The following FSIP1 variants were observed in gnomAD, a reference collection of about 807,000 sequenced individuals.
FSIP1 encodes the protein fibrous sheath-interacting protein 1.
FSIP1 carries 65 observed loss-of-function variants against 60.9 expected under a neutral mutation model. That is an observed-to-expected ratio of 1.07 (90% CI 0.87 to 1.31). The LOEUF (loss-of-function observed/expected upper bound fraction) is 1.31. FSIP1 is among the 40% of genes most tolerant of loss of function. The pLI is 0.00. For synonymous variants in FSIP1, 209 were observed against 221.2 expected (o/e 0.94, Z 0.49); for missense variants, 675 against 665.5 (o/e 1.01, Z -0.16).
intron 10 of FSIP1, among the ~76,000 whole-genome samples, chr15:39,619,894 T>C (rs558675047): frequency 1.3e-5 from 2 of 151,624 alleles, no homozygotes; most frequent in African/African-American, 4.8e-5. Flanking sequence ...CAGGAGGAGG[T>C]CTCTAGGGAA....
chr15:39,632,443 T>C (rs1324912411), intron 10 of FSIP1, among the ~76,000 whole-genome samples: 1 of 152,132 alleles, frequency 6.6e-6, no homozygotes, highest in Non-Finnish European at 1.5e-5. Context: ...CTCTCCAAAG[T>C]GCTGGGATTA....
intron 10 of FSIP1, among the ~76,000 whole-genome samples, chr15:39,688,373 A>ATAAT (rs1721024699): frequency 6.6e-6 from 1 of 152,210 alleles, no homozygotes; most frequent in Non-Finnish European, 1.5e-5. Context: ...CACTTATATT[A>ATAAT]GCCTACAGTT....
intron 5 of FSIP1, among the ~76,000 whole-genome samples, chr15:39,744,459 C>A (rs572363934): frequency 1.3e-5 from 2 of 152,224 alleles, no homozygotes; most frequent in African/African-American, 4.8e-5. Flanking sequence ...ACCTGGAAGA[C>A]CAGCAGAGGG....
At chr15:39,746,370 T>C (rs531990271) in intron 5 of FSIP1, among the ~76,000 whole-genome samples, 207 of 152,350 alleles carry the variant, frequency 1.4e-3, no homozygotes, top group Admixed American at 4.0e-3. Context: ...ACACTGTTTC[T>C]TGAGGCAGTT....
chr15:39,672,531 G>A (rs528114787), intron 10 of FSIP1, among the ~76,000 whole-genome samples: 13 of 152,162 alleles, frequency 8.5e-5, no homozygotes, highest in Non-Finnish European at 1.6e-4. Context: ...AAAGCAATTG[G>A]CACCTTGAGT....
intron 10 of FSIP1, among the ~76,000 whole-genome samples, chr15:39,662,887 C>T (rs1159146294): frequency 2.0e-5 from 3 of 152,052 alleles, no homozygotes; most frequent in African/African-American, 7.2e-5. Flanking sequence ...AAATAAGAGA[C>T]CATAAATCAA....
intron 3 of FSIP1, among the ~76,000 whole-genome samples, chr15:39,766,975 GCC>G (rs1240957303): frequency 6.6e-6 from 1 of 152,130 alleles, no homozygotes; most frequent in Non-Finnish European, 1.5e-5. Flanking sequence ...AACAGCCAGA[GCC>G]AGGACTACAG....
chr15:39,646,468 G>T (rs1892611501), intron 10 of FSIP1, among the ~76,000 whole-genome samples: 1 of 140,016 alleles, frequency 7.1e-6, no homozygotes, highest in Non-Finnish European at 1.5e-5. Context: ...AGGATTGCTT[G>T]AGGCCAGGAG....
chr15:39,719,671 T>C (rs1049301253), intron 9 of FSIP1, among the ~76,000 whole-genome samples: 3 of 152,230 alleles, frequency 2.0e-5, no homozygotes, highest in Admixed American at 2.0e-4. Context: ...TACATTTCTG[T>C]AGGTTCCTGC....
At chr15:39,679,807 T>A (rs1894087073) in intron 10 of FSIP1, among the ~76,000 whole-genome samples, 2 of 152,156 alleles carry the variant, frequency 1.3e-5, no homozygotes, top group South Asian at 4.1e-4. Flanking sequence ...ATCACAGGCA[T>A]CTCCCTAGCT....
At chr15:39,757,681 T>C (rs1897343340) in intron 5 of FSIP1, among the ~76,000 whole-genome samples, 1 of 152,100 alleles carries the variant, frequency 6.6e-6, no homozygotes, top group Admixed American at 6.6e-5. Flanking sequence ...ATTAAGGAAT[T>C]TGGCTTTTCT....
chr15:39,736,903 AG>A (rs1011742760), intron 8 of FSIP1, among the ~76,000 whole-genome samples: 1 of 152,056 alleles, frequency 6.6e-6, no homozygotes, highest in African/African-American at 2.4e-5. Context: ...CATTTAGGTA[AG>A]GGGCCTAGGG....
At chr15:39,707,931 G>A (rs939002062) in intron 10 of FSIP1, among the ~76,000 whole-genome samples, 1 of 152,166 alleles carries the variant, frequency 6.6e-6, no homozygotes, top group Admixed American at 6.5e-5. Flanking sequence ...AGAGAAGCCT[G>A]TAGAGCGCCC....
intron 1 of FSIP1, among the ~76,000 whole-genome samples, chr15:39,780,579 G>A (rs113583168): frequency 0.011 from 1,721 of 152,208 alleles, 43 homozygotes; most frequent in African/African-American, 0.038. Flanking sequence ...ATAGATATAC[G>A]TCATGCTTTC....
chr15:39,727,397 G>A (rs1315265441), intron 8 of FSIP1, among the ~76,000 whole-genome samples: 1 of 152,178 alleles, frequency 6.6e-6, no homozygotes, highest in African/African-American at 2.4e-5. Flanking sequence ...GGTAAGCTCT[G>A]GGCACCATGG....
chr15:39,697,909 T>C (rs1894884771), intron 10 of FSIP1, among the ~76,000 whole-genome samples: 1 of 152,072 alleles, frequency 6.6e-6, no homozygotes, highest in South Asian at 2.1e-4. Flanking sequence ...ACCTCTCTCT[T>C]CACTATTTTT....
Position 39,667,099 on chromosome 15 carries a change from G to A in FSIP1, c.1188+46345C>T, listed in dbSNP as rs544245781. Among the ~76,000 whole-genome samples, 35 of 152,252 alleles carry A rather than the reference G, an allele frequency of 2.3e-4. 1 individual carries two copies. In the South Asian group the frequency reaches 7.1e-3, roughly 31 times the overall value. ...AAACCATTGATCAGGAGAGCTCTGAGGACAAACATGGACGAGTGCTTGACT... is the reference window on the plus strand; with the variant it reads ...AAACCATTGATCAGGAGAGCTCTGAAGACAAACATGGACGAGTGCTTGACT... On this transcript the variant is annotated intron_variant, in intron 10 of 11. Transcript: ENST00000350221.
chr15:39,646,801 T>G (rs929538978), intron 10 of FSIP1, among the ~76,000 whole-genome samples: 1 of 151,992 alleles, frequency 6.6e-6, no homozygotes, highest in African/African-American at 2.4e-5. Flanking sequence ...TTCACAATAG[T>G]CAAGATACTG....
At chr15:39,656,553 T>C (rs533027281) in intron 10 of FSIP1, among the ~76,000 whole-genome samples, 1 of 152,344 alleles carries the variant, frequency 6.6e-6, no homozygotes, top group African/African-American at 2.4e-5. Context: ...AGCTGGAGAC[T>C]TAGGGAAATT....
Sources: allele counts gnomAD v4.1 joint callset (sites outside exome capture counted in the v4.1 genomes callset), GRCh38; gene constraint gnomAD v4.1.1; transcripts MANE v1.5; gene names NCBI Gene and HGNC (gene_info 2026-07-23, HGNC 2026-07-21).